The following ACAP2 variants were observed in gnomAD, a reference collection of about 807,000 sequenced individuals.
ACAP2 encodes arf-GAP with coiled-coil, ANK repeat and PH domain-containing protein 2.
ACAP2 carries 39 observed loss-of-function variants against 115.8 expected under a neutral mutation model. That is an observed-to-expected ratio of 0.34 (90% CI 0.26 to 0.44). ACAP2 has a LOEUF of 0.44. Ranked by LOEUF, ACAP2 falls within the 20% of genes least tolerant of loss-of-function variation. The pLI is 1.00. For missense variants in ACAP2, 662 were observed against 927.6 expected, an observed-to-expected ratio of 0.71 and a Z score of 3.72; for synonymous variants, 289 against 315.8, an observed-to-expected ratio of 0.92 and a Z score of 0.90.
In ACAP2 at chr3:195,289,307, T is replaced by G. The variant is rs1334399324; in HGVS notation, c.2064-76A>C. 4 of 895,656 alleles carry G rather than the reference T, an allele frequency of 4.5e-6. No homozygotes were observed. In the East Asian group the frequency reaches 1.0e-4, roughly 23 times the overall value. 55.5% of individuals were successfully genotyped at this position (895,656 alleles called of 1,614,324 possible). ...TAGTATTCACCTTAAAAAAAAAAAG[T>G]ACTACTTAAGTAACATTTTCATTAG... On this transcript the variant is annotated intron_variant, in intron 20 of 22. Coordinates refer to ENST00000326793, the MANE Select transcript of ACAP2 (RefSeq NM_012287.6).
intron 4 of ACAP2, among the ~76,000 whole-genome samples, chr3:195,360,888 T>C (rs1306624433): frequency 2.6e-5 from 4 of 151,094 alleles, no homozygotes; most frequent in African/African-American, 9.7e-5. Context: ...AACATTTCAT[T>C]GAGGGGGTGT....
intron 13 of ACAP2, 75 bp downstream of exon 13, chr3:195,306,434 TAC>T (rs1728426004): frequency 1.3e-6 from 1 of 754,084 alleles, no homozygotes; most frequent in Non-Finnish European, 2.1e-6. Context: ...CGATGCTACA[TAC>T]AGTCATATAA....
intron 15 of ACAP2, among the ~76,000 whole-genome samples, chr3:195,298,858 G>A (rs562736205): frequency 8.5e-4 from 128 of 151,344 alleles, no homozygotes; most frequent in Middle Eastern, 6.8e-3. Flanking sequence ...CTTGAACTCC[G>A]GACCTCAGGT....
intron 18 of ACAP2, 21 bp downstream of exon 18, chr3:195,294,698 T>C (rs751081627): frequency 2.8e-5 from 40 of 1,436,302 alleles, no homozygotes; most frequent in East Asian, 4.7e-5. Context: ...CCAATTAACA[T>C]TGAGTTTCAT....
At chr3:195,312,559 T>A (rs1425175373) in intron 10 of ACAP2, among the ~76,000 whole-genome samples, 5 of 152,066 alleles carry the variant, frequency 3.3e-5, no homozygotes, top group African/African-American at 1.2e-4. Context: ...CTGGAAATCC[T>A]GGGCTCAAGT....
At chr3:195,398,224 A>C in intron 1 of ACAP2, among the ~76,000 whole-genome samples, 1 of 152,248 alleles carries the variant, frequency 6.6e-6, no homozygotes, top group East Asian at 1.9e-4. Context: ...TAAGAGCCTA[A>C]AAACAGAGGA....
chr3:195,408,926 A>C (rs2108806164), intron 1 of ACAP2, among the ~76,000 whole-genome samples: 1 of 152,284 alleles, frequency 6.6e-6, no homozygotes, highest in Admixed American at 6.5e-5. Context: ...CTTAACAAAA[A>C]GGAATAAAAG....
chr3:195,294,762 T>C lies in ACAP2; in HGVS notation c.1722A>G (p.Glu574=), dbSNP rs1727537173. The C allele has an allele frequency of 6.2e-7, 1 of 1,610,896 alleles. No homozygotes were observed. Among genetic ancestry groups the C allele is most frequent in the Non-Finnish European group, 8.5e-7 (1 of 1,177,954 alleles). Residue 574 remains glutamate (E), a synonymous_variant, in exon 18 of 23, where the codon GAA becomes GAG. Transcript: ENST00000326793. ...GIQQSSDDGR[E]SLPSTVSANS... ...TGGCTGACACCGTGGAGGGTAAAGA[T>C]TCTCTTCCATCATCAGAGCTCTGCT...
intron 1 of ACAP2, among the ~76,000 whole-genome samples, chr3:195,407,315 C>G (rs564326557): frequency 1.3e-5 from 2 of 151,148 alleles, no homozygotes; most frequent in Non-Finnish European, 2.9e-5. Context: ...CTGGGCAACA[C>G]AGCAAGCCTC....
chr3:195,351,422 A>T (rs986448688), intron 4 of ACAP2, among the ~76,000 whole-genome samples: 1 of 144,002 alleles, frequency 6.9e-6, no homozygotes, highest in Non-Finnish European at 1.5e-5. Flanking sequence ...AGGCCAATAA[A>T]TCCATATTTT....
intron 18 of ACAP2, 149 bp from the exon 19 acceptor site, chr3:195,292,601 T>A: frequency 2.7e-6 from 2 of 748,500 alleles, no homozygotes; most frequent in Non-Finnish European, 4.2e-6. Flanking sequence ...GGAATATACT[T>A]AATGCCACTA....
intron 2 of ACAP2, among the ~76,000 whole-genome samples, chr3:195,382,301 T>C (rs926484317): frequency 4.6e-5 from 7 of 152,162 alleles, no homozygotes; most frequent in Middle Eastern, 3.2e-3. Flanking sequence ...AACTGTATGA[T>C]AGCTTAGTGA....
intron 18 of ACAP2, among the ~76,000 whole-genome samples, chr3:195,294,015 T>C (rs1727452320): frequency 6.6e-6 from 1 of 151,152 alleles, no homozygotes; most frequent in South Asian, 2.1e-4. Flanking sequence ...GGTGGGCATC[T>C]GTAGTCCCAG....
chr3:195,381,994 T>G lies in ACAP2; in HGVS notation c.140A>C (p.Asp47Ala). The G allele has an allele frequency of 1.9e-6, 3 of 1,608,650 alleles. No homozygotes were observed. Among genetic ancestry groups the G allele is most frequent in the Non-Finnish European group, 2.5e-6 (3 of 1,178,444 alleles). The change falls in exon 3 of 23, where the codon GAT becomes GCT. Residue 47 changes from aspartate (D) to alanine (A), a missense_variant. Transcript: ENST00000326793. ...TGCAACACAAAAGGCTTTTCCAGTATCAATCATTGCAATACAAAGTTTCAC... is the reference window on the plus strand; with the variant it reads ...TGCAACACAAAAGGCTTTTCCAGTAGCAATCATTGCAATACAAAGTTTCAC... ...KLVKLCIAMI[D>A]TGKAFCVANK...
chr3:195,324,994 G>A (rs767605059), intron 9 of ACAP2, among the ~76,000 whole-genome samples: 16 of 152,102 alleles, frequency 1.1e-4, no homozygotes, highest in Non-Finnish European at 2.4e-4. Context: ...TTACAAATAA[G>A]ATATGCAAAA....
chr3:195,429,684 GAAA>G (rs1432956112), intron 1 of ACAP2, among the ~76,000 whole-genome samples: 2 of 152,158 alleles, frequency 1.3e-5, no homozygotes, highest in Non-Finnish European at 1.5e-5. Flanking sequence ...TTTTTATCAA[GAAA>G]AAAACTATGA....
intron 4 of ACAP2, among the ~76,000 whole-genome samples, chr3:195,379,775 G>C (rs531461243): frequency 4.6e-5 from 7 of 152,294 alleles, no homozygotes; most frequent in African/African-American, 1.7e-4. Context: ...TTGCACTCCA[G>C]TCTGGGTGAC....
At chr3:195,396,463 T>TAC (rs1326933159) in intron 1 of ACAP2, among the ~76,000 whole-genome samples, 4 of 152,092 alleles carry the variant, frequency 2.6e-5, no homozygotes, top group African/African-American at 4.8e-5. Context: ...ACATGAGCAT[T>TAC]ACATTTTCCT....
In ACAP2 at chr3:195,337,489, C is replaced by T. The variant is rs73206691; in HGVS notation, c.529-513G>A. Among the ~76,000 whole-genome samples the T allele has an allele frequency of 5.8e-3, 799 of 137,988 alleles. 8 individuals carry two copies. Among genetic ancestry groups the T allele is most frequent in the South Asian group, 0.02 (90 of 4,436 alleles). 90.5% of individuals were successfully genotyped at this position (137,988 alleles called of 152,430 possible). The stretch of plus-strand genomic sequence containing the variant: ...TTGACACAGAGTTTTGCTCTTATTG[C>T]GCAGGCTGCAGTGCAATGGCACAAT... On this transcript the variant is annotated intron_variant, in intron 6 of 22. Transcript: ENST00000326793.
Sources: allele counts gnomAD v4.1 joint callset (sites outside exome capture counted in the v4.1 genomes callset), GRCh38; gene constraint gnomAD v4.1.1; transcripts MANE v1.5; gene names NCBI Gene and HGNC (gene_info 2026-07-23, HGNC 2026-07-21).